The following ZNF385B variants were observed in gnomAD, a reference collection of about 807,000 sequenced individuals.
ZNF385B encodes the protein zinc finger protein 385B, also known as zinc finger protein 533.
Under a neutral mutation model 39.2 loss-of-function variants are expected in ZNF385B, and 23 were observed. The ratio of observed to expected loss-of-function variants is 0.59; its 90% CI spans 0.42 to 0.83. The LOEUF (loss-of-function observed/expected upper bound fraction) is 0.83, where lower values mean the gene tolerates loss of function less well. Ranked by LOEUF, ZNF385B falls within the 40% of genes least tolerant of loss-of-function variation. ZNF385B has a pLI of 0.00. For synonymous variants in ZNF385B, 205 were observed against 222.6 expected, an observed-to-expected ratio of 0.92 and a Z score of 0.70; for missense variants, 552 against 598.9, an observed-to-expected ratio of 0.92 and a Z score of 0.82.
chr2:179,766,389 C>T (rs1703695859), intron 3 of ZNF385B, among the ~76,000 whole-genome samples: 2 of 152,086 alleles, frequency 1.3e-5, no homozygotes, highest in Non-Finnish European at 2.9e-5. Context: ...TGTGTTTGTT[C>T]TCTGGGGCTG....
At chr2:179,463,732 T>A (rs2051641696) in intron 6 of ZNF385B, among the ~76,000 whole-genome samples, 1 of 152,252 alleles carries the variant, frequency 6.6e-6, no homozygotes, top group Non-Finnish European at 1.5e-5. Flanking sequence ...TGTGCCACAT[T>A]TTCTTTATCC....
Position 179,446,893 on chromosome 2 carries a change from T to A in ZNF385B, c.716-123A>T. 11 of 1,285,452 alleles carry A rather than the reference T, an allele frequency of 8.6e-6. No homozygotes were observed. The South Asian group carries it at 1.8e-4, about 21-fold the overall frequency. The allele number at this position is 1,285,452 out of a possible 1,614,324, so 79.6% of individuals were successfully genotyped here. A position where few individuals can be genotyped will look rare whatever the true frequency, so the allele number is the denominator to read the frequency against. On this transcript the variant is annotated intron_variant, in intron 6 of 9. Transcript: ENST00000410066. ...TGTGAAGTTTTTATTGCAGCATAGA[T>A]TTCAGTTTATAGAGGTTAAATCAAC...
chr2:179,698,620 T>C lies in ZNF385B; in HGVS notation c.298+70883A>G, dbSNP rs192473729. On this transcript the variant is annotated intron_variant, in intron 3 of 9. Transcript: ENST00000410066. ...TATAACTCTGGCTGGTAAATCCCAG[T>C]CATACTGTTATTATGCCATTAAACT... Among the ~76,000 whole-genome samples the C allele has an allele frequency of 6.6e-5, 10 of 152,322 alleles. No individual in the cohort carries two copies. In the East Asian group the frequency reaches 1.9e-3, roughly 29 times the overall value.
intron 3 of ZNF385B, among the ~76,000 whole-genome samples, chr2:179,719,276 C>G (rs1700529324): frequency 6.6e-6 from 1 of 152,102 alleles, no homozygotes; most frequent in Non-Finnish European, 1.5e-5. Context: ...ATGAGCCGAC[C>G]AAGCTGGAGA....
chr2:179,860,712 C>T (rs1684980551), intron 1 of ZNF385B: 1 of 400,590 alleles, frequency 2.5e-6, no homozygotes, highest in Admixed American at 2.8e-5. Context: ...AAAGACAAAC[C>T]CCAAACTTCC....
chr2:179,487,591 G>A (rs1168441596), intron 5 of ZNF385B, among the ~76,000 whole-genome samples: 1 of 152,210 alleles, frequency 6.6e-6, no homozygotes, highest in Non-Finnish European at 1.5e-5. Flanking sequence ...GAAAACCCAT[G>A]AACTAGGCAA....
intron 1 of ZNF385B, among the ~76,000 whole-genome samples, chr2:179,855,629 C>A (rs996195413): frequency 7.2e-5 from 11 of 152,156 alleles, no homozygotes; most frequent in Non-Finnish European, 1.2e-4. Context: ...AAAATATGCT[C>A]ATAAATTTCT....
At chr2:179,634,947 G>A (rs1335300240) in intron 3 of ZNF385B, among the ~76,000 whole-genome samples, 1 of 145,170 alleles carries the variant, frequency 6.9e-6, no homozygotes, top group Non-Finnish European at 1.5e-5. Context: ...GGCTAACATG[G>A]TGATACCCTG....
At chr2:179,740,814 A>G (rs1218351976) in intron 3 of ZNF385B, among the ~76,000 whole-genome samples, 1 of 152,180 alleles carries the variant, frequency 6.6e-6, no homozygotes, top group African/African-American at 2.4e-5. Flanking sequence ...ATAACACAAT[A>G]ACGTTTATGA....
chr2:179,744,258 G>GTT (rs1404773494), intron 3 of ZNF385B, among the ~76,000 whole-genome samples: 1 of 151,800 alleles, frequency 6.6e-6, no homozygotes, highest in African/African-American at 2.4e-5. Context: ...CACAGATGAG[G>GTT]TTGAAGGTAA....
At chr2:179,593,861 C>T (rs984543031) in intron 3 of ZNF385B, among the ~76,000 whole-genome samples, 2 of 152,178 alleles carry the variant, frequency 1.3e-5, no homozygotes, top group Admixed American at 6.5e-5. Flanking sequence ...GAAAATCAAG[C>T]TAAATGGTCA....
At chr2:179,445,494 T>C (rs1237733790) in intron 8 of ZNF385B, 56 bp downstream of exon 8, 34 of 1,527,532 alleles carry the variant, frequency 2.2e-5, no homozygotes, top group Non-Finnish European at 2.7e-5. Context: ...GATGAGAAGA[T>C]ACACAGTCAA....
chr2:179,585,646 A>ATC (rs1205316266), intron 3 of ZNF385B, among the ~76,000 whole-genome samples: 2 of 152,190 alleles, frequency 1.3e-5, no homozygotes, highest in African/African-American at 4.8e-5. Flanking sequence ...TCAGTATGTA[A>ATC]TCTAACAGTC....
At chr2:179,619,215 C>A (rs1690008501) in intron 3 of ZNF385B, among the ~76,000 whole-genome samples, 1 of 152,136 alleles carries the variant, frequency 6.6e-6, no homozygotes. Context: ...GAAAACATTG[C>A]ATTGCTGTGA....
chr2:179,851,735 GA>G (rs1684176537), intron 1 of ZNF385B, among the ~76,000 whole-genome samples: 1 of 152,086 alleles, frequency 6.6e-6, no homozygotes, highest in Non-Finnish European at 1.5e-5. Context: ...ATAGCAACAA[GA>G]AAAAATTCTA....
rs539754092 is a variant in ZNF385B, at chr2:179,491,222, T to C, written c.553-7788A>G. 2.9e-3 allele frequency among the ~76,000 whole-genome samples: 443 copies of C among 152,348 alleles called. 3 individuals are homozygous for C. The highest frequency in any genetic ancestry group is 4.9e-3 in the Non-Finnish European group (333 of 68,028). ...TTATTTAAGAATTCATCAAGAAGTA[T>C]CTTGCTTAAGAAAGCAAGACTGCTT... On this transcript the variant is annotated intron_variant, in intron 5 of 9. Transcript: ENST00000410066.
At chr2:179,636,173 C>T (rs1049787508) in intron 3 of ZNF385B, among the ~76,000 whole-genome samples, 2 of 152,156 alleles carry the variant, frequency 1.3e-5, no homozygotes, top group African/African-American at 4.8e-5. Flanking sequence ...CACAGAATAG[C>T]TTCTGGTTCT....
At chr2:179,696,330 T>TTTTTTTTTTTTTTTTTTTTTTA (rs1698754780) in intron 3 of ZNF385B, among the ~76,000 whole-genome samples, 1 of 122,162 alleles carries the variant, frequency 8.2e-6, no homozygotes. Flanking sequence ...CTGGGACTTT[T>TTTTTTTTTTTTTTTTTTTTTTA]TTTTTTTTTT....
chr2:179,664,553 GA>G (rs1380777920), intron 3 of ZNF385B, among the ~76,000 whole-genome samples: 1 of 151,910 alleles, frequency 6.6e-6, no homozygotes, highest in Non-Finnish European at 1.5e-5. Context: ...AGAACAAAAA[GA>G]AAAAAATTGT....
Sources: gnomAD v4.1 joint callset for allele counts (sites outside exome capture counted in the v4.1 genomes callset) on GRCh38, gnomAD v4.1.1 for gene constraint, MANE v1.5 for transcripts, NCBI Gene and HGNC (gene_info 2026-07-23, HGNC 2026-07-21) for gene names.